FAHD2A: variants seen among roughly 807,000 people sequenced by gnomAD.
FAHD2A encodes fumarylacetoacetate hydrolase domain containing 2A, also known as oxaloacetate tautomerase FAHD2A, mitochondrial.
FAHD2A carries 27 observed loss-of-function variants against 33.4 expected under a neutral mutation model. That is an observed-to-expected ratio of 0.81 (90% CI 0.60 to 1.11). FAHD2A has a LOEUF of 1.11. Among genes scored for constraint, FAHD2A ranks in the 50% most tolerant of loss-of-function variants. FAHD2A has a pLI of 0.00. For synonymous variants in FAHD2A, 130 were observed against 153.3 expected, an observed-to-expected ratio of 0.85 and a Z score of 1.12; for missense variants, 296 against 395.0, an observed-to-expected ratio of 0.75 and a Z score of 2.12.
At chr2:95,405,469 C>T (rs182709490) in intron 1 of FAHD2A, 84 bp from the exon 2 acceptor site, 78 of 1,521,080 alleles carry the variant, frequency 5.1e-5, no homozygotes, top group Admixed American at 3.4e-4. Context: ...CAAAGGGCCT[C>T]GGGCTATAGC....
downstream of FAHD2A, among the ~76,000 whole-genome samples, chr2:95,421,100 A>G (rs1391089864): frequency 7.2e-6 from 1 of 139,664 alleles, no homozygotes; most frequent in Non-Finnish European, 1.5e-5. Context: ...TGCCTGAATG[A>G]CAGGCAGAGT....
chr2:95,408,476 T>C (rs1426174586), intron 3 of FAHD2A, among the ~76,000 whole-genome samples: 1 of 152,232 alleles, frequency 6.6e-6, no homozygotes, highest in African/African-American at 2.4e-5. Flanking sequence ...AGAGGTTTAA[T>C]TGGACTTACA....
rs967745738 is a variant in FAHD2A, at chr2:95,405,620, T to C, written c.62T>C (p.Phe21Ser). 3.1e-6 allele frequency: 5 copies of C among 1,613,974 alleles called. No homozygotes were observed. The highest frequency in any genetic ancestry group is 4.2e-6 in the Non-Finnish European group (5 of 1,179,982). The change falls in exon 2 of 8, where the codon TTT (phenylalanine) becomes TCT (serine). Residue 21 changes from phenylalanine (F) to serine (S), a missense_variant. Transcript: ENST00000233379. ...CTGCTGCAGGCTCAGAAGTGGCCCT[T>C]TCAACCCTCCAGAGACATGAGACTA... is the stretch of plus-strand genomic sequence containing the variant. ...TVLLQAQKWP[F>S]QPSRDMRLVQ...
At chr2:95,412,260 G>T (rs531412182) in intron 5 of FAHD2A, among the ~76,000 whole-genome samples, 174 bp from the exon 6 acceptor site, 3 of 152,056 alleles carry the variant, frequency 2.0e-5, no homozygotes, top group Non-Finnish European at 4.4e-5. Context: ...GGGGAGGCCT[G>T]AGAAGGCCAA....
In FAHD2A at chr2:95,415,765, G is replaced by C. The variant is rs567606968; in HGVS notation, c.*2808G>C. The C allele has an allele frequency of 1.3e-5, 2 of 152,716 alleles. No homozygotes were observed. The highest frequency in any genetic ancestry group is 4.2e-4 in the South Asian group (2 of 4,810). 9.5% of individuals were successfully genotyped at this position (152,716 alleles called of 1,614,324 possible). A position where few individuals can be genotyped will look rare whatever the true frequency, so the allele number is the denominator to read the frequency against. On this transcript the variant is annotated 3_prime_UTR_variant, in exon 8 of 8. Transcript: ENST00000233379. Reference sequence around the variant, plus strand: ...CACCTCACCATGCCGGCTGCGAGGCGGCCCGTGCAGTCCGTGCGCAGGAGG... The same window carrying C: ...CACCTCACCATGCCGGCTGCGAGGCCGCCCGTGCAGTCCGTGCGCAGGAGG...
Position 95,414,457 on chromosome 2 carries a change from C to T in FAHD2A, c.*1500C>T, listed in dbSNP as rs1196349940. The T allele has an allele frequency of 5.7e-6, 3 of 529,098 alleles. No homozygotes were observed. The East Asian group carries it at 1.0e-4, about 18-fold the overall frequency. 32.8% of individuals were successfully genotyped at this position (529,098 alleles called of 1,614,324 possible). On this transcript the variant is annotated 3_prime_UTR_variant, in exon 8 of 8. Coordinates refer to ENST00000233379, the MANE Select transcript of FAHD2A (RefSeq NM_016044.3). ...CGTCTCAGTTCCTCCACTGCTTCGTCCCAGATTCTGTTTTTGTTTTCCTGA... is the reference window on the plus strand; with the variant it reads ...CGTCTCAGTTCCTCCACTGCTTCGTTCCAGATTCTGTTTTTGTTTTCCTGA...
In FAHD2A at chr2:95,413,045, C is replaced by A; in HGVS notation, c.*88C>A. On this transcript the variant is annotated 3_prime_UTR_variant, in exon 8 of 8. Coordinates refer to ENST00000233379, the MANE Select transcript of FAHD2A (RefSeq NM_016044.3). The stretch of plus-strand genomic sequence containing the variant: ...GGAAAGGCCCAGTGACAGGTGTGGA[C>A]AGGTGCCAGCCCTGCAAGCCGCCTC... 1.3e-6 allele frequency: 2 copies of A among 1,492,178 alleles called. No individual in the cohort carries two copies. The highest frequency in any genetic ancestry group is 2.5e-5 in the South Asian group (2 of 81,508). The allele number at this position is 1,492,178 out of a possible 1,614,324, so 92.4% of individuals were successfully genotyped here.
intron 4 of FAHD2A, 119 bp downstream of exon 4, chr2:95,410,705 C>G (rs1682341260): frequency 6.5e-7 from 1 of 1,543,480 alleles, no homozygotes; most frequent in South Asian, 1.2e-5. Context: ...CACTAGGAAG[C>G]AGTCAGCCTC....
chr2:95,412,913 T>C lies in FAHD2A; in HGVS notation c.901T>C (p.Cys301Arg). Residue 301 changes from cysteine to arginine, a missense_variant, in exon 8 of 8, where the codon TGT becomes CGT. Coordinates refer to ENST00000233379, the MANE Select transcript of FAHD2A (RefSeq NM_016044.3). ...VFLKKGDEVQ[C>R]EIEELGVIIN... ...GTTGCAGAAGGGGGATGAAGTCCAGTGTGAGATTGAAGAACTAGGTGTCAT... is the reference window on the plus strand; with the variant it reads ...GTTGCAGAAGGGGGATGAAGTCCAGCGTGAGATTGAAGAACTAGGTGTCAT... The C allele has an allele frequency of 1.2e-6, 2 of 1,614,188 alleles. No homozygotes were observed. Among genetic ancestry groups the C allele is most frequent in the Non-Finnish European group, 1.7e-6 (2 of 1,180,036 alleles).
rs1199111881 is a variant in FAHD2A at position 95,407,061 on chromosome 2, G to C, written c.366G>C (p.Gln122His). Reference sequence around the variant, plus strand: ...ATTATGTGGACCACTGCAAAGAACAGAACGTGCCCGTGCCCAAGGAGCCCA... The same window carrying C: ...ATTATGTGGACCACTGCAAAGAACACAACGTGCCCGTGCCCAAGGAGCCCA... ...GMNYVDHCKE[Q>H]NVPVPKEPII... The change falls in exon 3 of 8, where the codon CAG becomes CAC. Residue 122 changes from glutamine to histidine, a missense_variant. Transcript: ENST00000233379. 5.0e-6 allele frequency: 8 copies of C among 1,613,272 alleles called. No homozygotes were observed. In the Admixed American group the frequency reaches 1.3e-4, roughly 27 times the overall value.
intron 5 of FAHD2A, among the ~76,000 whole-genome samples, chr2:95,411,448 A>T (rs934726773): frequency 6.6e-6 from 1 of 152,262 alleles, no homozygotes; most frequent in Non-Finnish European, 1.5e-5. Context: ...GACCACACAC[A>T]GTCAGGATAC....
chr2:95,417,008 A>C (rs1189874166), downstream of FAHD2A, among the ~76,000 whole-genome samples: 1 of 152,194 alleles, frequency 6.6e-6, no homozygotes, highest in African/African-American at 2.4e-5. Context: ...GTGCCATGGG[A>C]CTGTATCTCC....
Position 95,413,981 on chromosome 2 carries a change from G to C in FAHD2A, c.*1024G>C. The C allele has an allele frequency of 7.8e-6, 11 of 1,410,124 alleles. No homozygotes were observed. Among genetic ancestry groups the C allele is most frequent in the Non-Finnish European group, 1.1e-5 (11 of 995,426 alleles). The allele number at this position is 1,410,124 out of a possible 1,614,324, so 87.4% of individuals were successfully genotyped here. A position where few individuals can be genotyped will look rare whatever the true frequency, so the allele number is the denominator to read the frequency against. On this transcript the variant is annotated 3_prime_UTR_variant, in exon 8 of 8. Coordinates refer to ENST00000233379, the MANE Select transcript of FAHD2A (RefSeq NM_016044.3). ...TCACCCCTAGGTCTCTGAAGGTCCA[G>C]ATAGCACTGATGGCAAGCTTTGGGT... is the stretch of plus-strand genomic sequence containing the variant.
intron 5 of FAHD2A, 149 bp downstream of exon 5, chr2:95,411,175 C>T (rs1682438149): frequency 8.3e-6 from 11 of 1,322,030 alleles, no homozygotes; most frequent in Non-Finnish European, 1.1e-5. Context: ...CTCTTATCCT[C>T]AGCCACGAGT....
chr2:95,414,559 C>G lies in FAHD2A; in HGVS notation c.*1602C>G, dbSNP rs1452342433. 1.0e-5 allele frequency: 3 copies of G among 291,962 alleles called. No individual in the cohort carries two copies. The highest frequency in any genetic ancestry group is 2.0e-5 in the Non-Finnish European group (3 of 151,698). 18.1% of individuals were successfully genotyped at this position (291,962 alleles called of 1,614,324 possible). On this transcript the variant is annotated 3_prime_UTR_variant, in exon 8 of 8. Coordinates refer to ENST00000233379, the MANE Select transcript of FAHD2A (RefSeq NM_016044.3). ...GTCCTGCCTCACTGGACAGCCTCTCCGCGGCCTTCCTCCTCCCTGCTCCAG... is the reference window on the plus strand; with the variant it reads ...GTCCTGCCTCACTGGACAGCCTCTCGGCGGCCTTCCTCCTCCCTGCTCCAG...
In FAHD2A at chr2:95,412,573, G is replaced by A. The variant is rs1217203954; in HGVS notation, c.794+31G>A. ...TGACAGGGGCTGTCCTGCCAGCCCC[G>A]CTTCACCTGCCACACATGTGGAGGC... On this transcript the variant is annotated intron_variant, in intron 6 of 7. Transcript: ENST00000233379. 6.8e-6 allele frequency: 11 copies of A among 1,612,984 alleles called. No homozygotes were observed. In the East Asian group the frequency reaches 1.3e-4, roughly 20 times the overall value.
downstream of FAHD2A, among the ~76,000 whole-genome samples, chr2:95,418,494 A>T (rs1683269866): frequency 6.6e-6 from 1 of 151,996 alleles, no homozygotes; most frequent in South Asian, 2.1e-4. Flanking sequence ...TGAACCTTGA[A>T]TTGGAGATGG....
Position 95,416,004 on chromosome 2 carries a change from C to A in FAHD2A, c.*3047C>A, listed in dbSNP as rs537224128. On this transcript the variant is annotated 3_prime_UTR_variant, in exon 8 of 8. Coordinates refer to ENST00000233379, the MANE Select transcript of FAHD2A (RefSeq NM_016044.3). ...CACAAGCAAATGATTTTCCTGCTTG[C>A]ATCATTTCTAGCACAGAGCTGGAGG... 3.2e-4 allele frequency: 48 copies of A among 152,338 alleles called. No individual in the cohort carries two copies. Among genetic ancestry groups the A allele is most frequent in the African/African-American group, 1.0e-3 (42 of 41,560 alleles). The allele number at this position is 152,338 out of a possible 1,614,324, so 9.4% of individuals were successfully genotyped here.
At chr2:95,406,856 G>T (rs1408432365) in intron 2 of FAHD2A, 85 bp from the exon 3 acceptor site, 74 of 1,473,124 alleles carry the variant, frequency 5.0e-5, no homozygotes, top group African/African-American at 9.9e-5. Flanking sequence ...AGCAAAACCT[G>T]TAGCTGCTGC....
Sources: gnomAD v4.1 joint callset for allele counts (sites outside exome capture counted in the v4.1 genomes callset) on GRCh38, gnomAD v4.1.1 for gene constraint, MANE v1.5 for transcripts, NCBI Gene and HGNC (gene_info 2026-07-23, HGNC 2026-07-21) for gene names.